The following RNF150 variants were observed in gnomAD, a reference collection of about 807,000 sequenced individuals.
The protein encoded by RNF150 is ring finger protein 150.
RNF150 carries 24 observed loss-of-function variants against 39.3 expected under a neutral mutation model. That is an observed-to-expected ratio of 0.61 (90% CI 0.44 to 0.86). The LOEUF is 0.86. Ranked by LOEUF, RNF150 falls within the 40% of genes least tolerant of loss-of-function variation. The pLI is 0.00. For missense variants in RNF150, 502 were observed against 587.8 expected, an observed-to-expected ratio of 0.85 and a Z score of 1.51; for synonymous variants, 255 against 227.3, an observed-to-expected ratio of 1.12 and a Z score of -1.10.
At chr4:141,110,126 T>C (rs1739339684) in intron 1 of RNF150, among the ~76,000 whole-genome samples, 1 of 152,166 alleles carries the variant, frequency 6.6e-6, no homozygotes, top group Non-Finnish European at 1.5e-5. Flanking sequence ...CCAAAATATT[T>C]AGGACTGTTA....
chr4:141,083,830 G>A lies in RNF150; in HGVS notation c.484+48495C>T, dbSNP rs573926300. The stretch of plus-strand genomic sequence containing the variant: ...TCTGGGCATCTATGGAAACTACAAA[G>A]GCAACTGAATAAAGCTTTACTAAAA... On this transcript the variant is annotated intron_variant, in intron 1 of 6. Transcript: ENST00000515673. Among the ~76,000 whole-genome samples the A allele has an allele frequency of 3.3e-5, 5 of 152,138 alleles. No individual in the cohort carries two copies. In the East Asian group the frequency reaches 5.8e-4, roughly 18 times the overall value.
chr4:141,176,783 A>C (rs1382667695), intron 1 of RNF150, among the ~76,000 whole-genome samples: 1 of 152,238 alleles, frequency 6.6e-6, no homozygotes, highest in African/African-American at 2.4e-5. Flanking sequence ...AGATTAATAA[A>C]AATTTAAAAT....
chr4:140,912,540 C>T (rs562152634), intron 5 of RNF150, among the ~76,000 whole-genome samples: 3 of 152,274 alleles, frequency 2.0e-5, no homozygotes, highest in South Asian at 2.1e-4. Flanking sequence ...AGAAAACCTA[C>T]AACTCACGGA....
intron 1 of RNF150, among the ~76,000 whole-genome samples, chr4:141,126,072 C>T (rs1165806744): frequency 6.9e-6 from 1 of 144,262 alleles, no homozygotes; most frequent in Non-Finnish European, 1.5e-5. Flanking sequence ...TGAAGAGTTA[C>T]AGTTTAGTGC....
intron 1 of RNF150, among the ~76,000 whole-genome samples, chr4:141,046,980 C>G (rs1192815043): frequency 1.3e-5 from 2 of 152,126 alleles, no homozygotes; most frequent in Non-Finnish European, 2.9e-5. Context: ...TGCTCAAACT[C>G]AGTTTTGAAA....
chr4:140,921,950 G>A (rs1303418382), intron 5 of RNF150, among the ~76,000 whole-genome samples: 5 of 151,148 alleles, frequency 3.3e-5, no homozygotes, highest in Admixed American at 6.6e-5. Context: ...AATAAATTAG[G>A]TATTGATGGG....
At chr4:141,043,948 T>C (rs1029799973) in intron 1 of RNF150, among the ~76,000 whole-genome samples, 1 of 152,182 alleles carries the variant, frequency 6.6e-6, no homozygotes. Context: ...GGAACTAATA[T>C]TGATGAAGCA....
At chr4:141,175,772 G>T (rs1010763000) in intron 1 of RNF150, among the ~76,000 whole-genome samples, 1 of 152,150 alleles carries the variant, frequency 6.6e-6, no homozygotes, top group African/African-American at 2.4e-5. Flanking sequence ...AAGATCAAGT[G>T]GCCAGAATGG....
At chr4:140,911,390 G>A in intron 5 of RNF150, 36 bp from the exon 6 acceptor site, 2 of 1,559,012 alleles carry the variant, frequency 1.3e-6, no homozygotes, top group Non-Finnish European at 8.8e-7. Context: ...CTCAGTACAT[G>A]TCATCCACTT....
At chr4:140,993,897 T>C (rs1734276134) in intron 1 of RNF150, among the ~76,000 whole-genome samples, 1 of 152,086 alleles carries the variant, frequency 6.6e-6, no homozygotes. Flanking sequence ...CACCTACTCA[T>C]CGGAAAACAC....
chr4:141,013,573 C>T (rs1331419524), intron 1 of RNF150, among the ~76,000 whole-genome samples: 1 of 152,184 alleles, frequency 6.6e-6, no homozygotes, highest in Non-Finnish European at 1.5e-5. Flanking sequence ...TTCTCTGTAT[C>T]TTCAAATATT....
chr4:141,000,109 G>GAAGAAGAAGAAGAA (rs1734611250), intron 1 of RNF150, among the ~76,000 whole-genome samples: 1 of 96,678 alleles, frequency 1.0e-5, no homozygotes, highest in Non-Finnish European at 2.3e-5. Flanking sequence ...AAGAAGAAGA[G>GAAGAAGAAGAAGAA]GAGGAAGAAG....
intron 1 of RNF150, among the ~76,000 whole-genome samples, chr4:141,181,628 GCTCT>G (rs1401944618): frequency 3.3e-5 from 5 of 152,206 alleles, no homozygotes; most frequent in African/African-American, 9.6e-5. Flanking sequence ...GCATACAAAT[GCTCT>G]CTCTAATTTT....
intron 6 of RNF150, among the ~76,000 whole-genome samples, chr4:140,901,256 C>T (rs985462526): frequency 6.6e-6 from 1 of 152,116 alleles, no homozygotes. Context: ...TCATCTTTCT[C>T]TGATGCTTTT....
chr4:141,171,838 A>G (rs1727731091), intron 1 of RNF150, among the ~76,000 whole-genome samples: 1 of 152,182 alleles, frequency 6.6e-6, no homozygotes, highest in African/African-American at 2.4e-5. Flanking sequence ...GATTTTCTTC[A>G]GATTTCAGAT....
chr4:140,896,941 A>T (rs1729982209), intron 6 of RNF150, among the ~76,000 whole-genome samples: 1 of 152,166 alleles, frequency 6.6e-6, no homozygotes, highest in Non-Finnish European at 1.5e-5. Context: ...GGCTGCTAGG[A>T]TTAAACCTCC....
intron 1 of RNF150, among the ~76,000 whole-genome samples, chr4:141,045,422 C>T (rs983060406): frequency 6.6e-6 from 1 of 152,104 alleles, no homozygotes; most frequent in Non-Finnish European, 1.5e-5. Context: ...AAGTAAGGTC[C>T]CTGATTTCAA....
chr4:141,112,088 T>A (rs1298097382), intron 1 of RNF150, among the ~76,000 whole-genome samples: 1 of 152,178 alleles, frequency 6.6e-6, no homozygotes, highest in African/African-American at 2.4e-5. Flanking sequence ...CATTTTTGAC[T>A]AAGAGGAATA....
chr4:141,041,514 A>G (rs1736371506), intron 1 of RNF150, among the ~76,000 whole-genome samples: 1 of 152,138 alleles, frequency 6.6e-6, no homozygotes. Flanking sequence ...TCTTACACAA[A>G]TACACAGCTG....
Sources: allele counts gnomAD v4.1 joint callset (sites outside exome capture counted in the v4.1 genomes callset), GRCh38; gene constraint gnomAD v4.1.1; transcripts MANE v1.5; gene names NCBI Gene and HGNC (gene_info 2026-07-23, HGNC 2026-07-21).